The following SGCD variants were observed in gnomAD, a reference collection of about 807,000 sequenced individuals.
SGCD encodes the protein delta-sarcoglycan.
Under a neutral mutation model 36.6 loss-of-function variants are expected in SGCD, and 18 were observed. That is an observed-to-expected ratio of 0.49 (90% CI 0.34 to 0.73). The LOEUF (loss-of-function observed/expected upper bound fraction) is 0.73, where lower values mean the gene tolerates loss of function less well. Ranked by LOEUF, SGCD falls within the 30% of genes least tolerant of loss-of-function variation. The probability of loss-of-function intolerance (pLI) is 0.01; values close to 1 mark genes in which losing one functional copy is unlikely to be tolerated. For missense variants in SGCD, 387 were observed against 346.7 expected, an observed-to-expected ratio of 1.12 and a Z score of -0.92; for synonymous variants, 133 against 130.6, an observed-to-expected ratio of 1.02 and a Z score of -0.12.
chr5:155,818,138 G>A, the SGCD span, among the ~76,000 whole-genome samples: 2 of 152,122 alleles, frequency 1.3e-5, no homozygotes, highest in African/African-American at 4.8e-5. Flanking sequence ...GATAAGGTAC[G>A]TATACAAATA....
At chr5:156,507,249 G>A (rs1756742396) in intron 3 of SGCD, among the ~76,000 whole-genome samples, 3 of 152,210 alleles carry the variant, frequency 2.0e-5, no homozygotes, top group African/African-American at 7.2e-5. Flanking sequence ...CTTGAGAATG[G>A]AAGAAGGATA....
intron 1 of SGCD, among the ~76,000 whole-genome samples, chr5:156,041,949 G>A (rs1759645839): frequency 6.6e-6 from 1 of 152,124 alleles, no homozygotes; most frequent in Admixed American, 6.6e-5. Context: ...GCTAGGAATA[G>A]GAAAGAAATA....
intron 3 of SGCD, among the ~76,000 whole-genome samples, chr5:156,297,696 G>A (rs1766932671): frequency 1.3e-5 from 2 of 151,382 alleles, no homozygotes; most frequent in Non-Finnish European, 2.9e-5. Context: ...TAGATGACGA[G>A]TTAGTGGGTG....
chr5:156,146,069 T>C (rs758171067), intron 3 of SGCD, among the ~76,000 whole-genome samples: 30 of 151,964 alleles, frequency 2.0e-4, no homozygotes, highest in Non-Finnish European at 2.9e-4. Flanking sequence ...AAAAATTAGC[T>C]GGGCGTAGTT....
intron 3 of SGCD, among the ~76,000 whole-genome samples, chr5:156,239,996 A>T (rs1035811295): frequency 1.7e-4 from 26 of 152,210 alleles, no homozygotes; most frequent in Non-Finnish European, 2.9e-4. Context: ...AGTCCCAAAT[A>T]GGTAACTTAA....
chr5:156,580,182 C>T (rs77541089), intron 4 of SGCD, among the ~76,000 whole-genome samples: 4 of 152,102 alleles, frequency 2.6e-5, no homozygotes, highest in Non-Finnish European at 5.9e-5. Flanking sequence ...AAGCTTATTT[C>T]GGCTGAATAT....
At chr5:156,539,698 G>A (rs1490025318) in intron 4 of SGCD, among the ~76,000 whole-genome samples, 3 of 151,956 alleles carry the variant, frequency 2.0e-5, no homozygotes, top group Non-Finnish European at 4.4e-5. Flanking sequence ...TTTTCCAATT[G>A]TGAATTGTGT....
chr5:156,036,902 C>A (rs149383975), intron 1 of SGCD, among the ~76,000 whole-genome samples: 622 of 152,196 alleles, frequency 4.1e-3, no homozygotes, highest in African/African-American at 0.014. Context: ...TTTTTCCTGC[C>A]AAGCTCTTTG....
chr5:156,754,304 A>C (rs1301365918), intron 7 of SGCD, among the ~76,000 whole-genome samples: 3 of 152,200 alleles, frequency 2.0e-5, no homozygotes, highest in Admixed American at 1.3e-4. Context: ...CTTTTTCACC[A>C]AACTATTCTG....
chr5:155,759,452 A>G, the SGCD span, among the ~76,000 whole-genome samples: 1 of 152,134 alleles, frequency 6.6e-6, no homozygotes, highest in Admixed American at 6.6e-5. Context: ...ATGCAGAGTA[A>G]GCATTTATAT....
chr5:155,795,689 GA>G, the SGCD span, among the ~76,000 whole-genome samples: 4 of 151,914 alleles, frequency 2.6e-5, no homozygotes, highest in Non-Finnish European at 5.9e-5. Flanking sequence ...TCCAATTAAA[GA>G]ATAATTAAAA....
chr5:155,877,208 A>C (rs983168704), intron 1 of SGCD, among the ~76,000 whole-genome samples: 5 of 152,068 alleles, frequency 3.3e-5, no homozygotes, highest in Non-Finnish European at 7.4e-5. Context: ...TTTAATTAGA[A>C]ATGTTTCCAA....
At chr5:156,621,169 T>C (rs187159064) in intron 6 of SGCD, among the ~76,000 whole-genome samples, 7 of 152,258 alleles carry the variant, frequency 4.6e-5, no homozygotes, top group Non-Finnish European at 1.0e-4. Flanking sequence ...CTTTCTAGGA[T>C]CCACAGCTAA....
chr5:155,897,238 A>G (rs901756850), intron 1 of SGCD, among the ~76,000 whole-genome samples: 2 of 152,218 alleles, frequency 1.3e-5, no homozygotes, highest in Non-Finnish European at 2.9e-5. Context: ...ATAAGCAACT[A>G]TAATACAATG....
chr5:156,245,981 A>G (rs558562140), intron 3 of SGCD, among the ~76,000 whole-genome samples: 1 of 152,272 alleles, frequency 6.6e-6, no homozygotes. Flanking sequence ...CTTGAGGGAA[A>G]ATGCAAACTA....
intron 4 of SGCD, among the ~76,000 whole-genome samples, chr5:156,520,697 C>T (rs188537368): frequency 6.6e-6 from 1 of 152,044 alleles, no homozygotes; most frequent in Non-Finnish European, 1.5e-5. Context: ...ACACATAGAC[C>T]AATGGAACAG....
chr5:155,847,586 C>T, the SGCD span, among the ~76,000 whole-genome samples: 14 of 152,220 alleles, frequency 9.2e-5, no homozygotes, highest in South Asian at 2.7e-3. Context: ...GAGCCTTGCC[C>T]TAAAAAGGAC....
intron 1 of SGCD, among the ~76,000 whole-genome samples, chr5:155,969,968 A>C (rs535672129): frequency 6.6e-6 from 1 of 151,950 alleles, no homozygotes; most frequent in African/African-American, 2.4e-5. Flanking sequence ...CGTTTTGAAA[A>C]ATGAAAGTTT....
At chr5:155,954,540 C>T (rs1162271759) in intron 1 of SGCD, among the ~76,000 whole-genome samples, 3 of 149,586 alleles carry the variant, frequency 2.0e-5, no homozygotes, top group Admixed American at 6.7e-5. Context: ...TAAAAACTAT[C>T]ATTATGGGCA....
Sources: gnomAD v4.1 joint callset for allele counts (sites outside exome capture counted in the v4.1 genomes callset) on GRCh38, gnomAD v4.1.1 for gene constraint, MANE v1.5 for transcripts, NCBI Gene and HGNC (gene_info 2026-07-23, HGNC 2026-07-21) for gene names.